ST3GAL3: variants seen among roughly 807,000 people sequenced by gnomAD.
ST3GAL3 encodes the protein ST3 beta-galactoside alpha-2,3-sialyltransferase 3, also known as CMP-N-acetylneuraminate-beta-1,4-galactoside alpha-2,3-sialyltransferase.
ST3GAL3 carries 21 observed loss-of-function variants against 50.1 expected under a neutral mutation model. The ratio of observed to expected loss-of-function variants is 0.42; its 90% CI spans 0.30 to 0.60. ST3GAL3 has a LOEUF of 0.60. Among genes scored for constraint, ST3GAL3 ranks in the 20% least tolerant of loss-of-function variants. The pLI, the probability that ST3GAL3 is intolerant of heterozygous loss-of-function variation, is 0.19. For missense variants in ST3GAL3, 353 were observed against 489.4 expected (o/e 0.72, Z 2.63); for synonymous variants, 183 against 190.0 (o/e 0.96, Z 0.30).
rs752057235 is a variant in ST3GAL3 at position 43,899,715 on chromosome 1, C to T, written c.732C>T (p.Tyr244=). ...QDFKWLKYIV[Y]KERVSASDGF... ...TTAAGTGGTTGAAATACATCGTCTA[C>T]AAGGAGAGAGTGGTAAGCTCTCCTG... The change falls in exon 9 of 12, where the codon TAC becomes TAT. Residue 244 remains tyrosine, a synonymous_variant. Coordinates refer to ENST00000347631, the MANE Select transcript of ST3GAL3 (RefSeq NM_006279.5). This position sits in a 1 kb window ranked among gnomAD's most constrained non-coding sequence, Gnocchi z 5.4. 3 of 1,614,000 alleles carry T rather than the reference C, an allele frequency of 1.9e-6. No homozygotes were observed. The South Asian group carries it at 3.3e-5, about 18-fold the overall frequency.
intron 3 of ST3GAL3, among the ~76,000 whole-genome samples, chr1:43,805,486 C>T (rs2059765546): frequency 6.6e-6 from 1 of 152,206 alleles, no homozygotes; most frequent in Non-Finnish European, 1.5e-5. Context: ...CTGGAGAGCA[C>T]AGATAAGGTG....
chr1:43,917,617 T>TATATAA (rs1365248994), intron 9 of ST3GAL3, among the ~76,000 whole-genome samples: 7 of 54,582 alleles, frequency 1.3e-4, no homozygotes, highest in Middle Eastern at 7.7e-3. Context: ...ATATTATATA[T>TATATAA]TATATTATAT....
At chr1:43,725,738 CCAGTCTTAAGTGATCCTCCCACCT>C (rs1156959234) in intron 1 of ST3GAL3, among the ~76,000 whole-genome samples, 1 of 152,150 alleles carries the variant, frequency 6.6e-6, no homozygotes, top group Non-Finnish European at 1.5e-5. Flanking sequence ...CCTCCACTTC[CCAGTCTTAAGTGATCCTCCCACCT>C]CAGCCTCCTG....
chr1:43,903,873 C>A (rs2078703101), intron 9 of ST3GAL3, among the ~76,000 whole-genome samples: 1 of 152,130 alleles, frequency 6.6e-6, no homozygotes, highest in African/African-American at 2.4e-5. Flanking sequence ...GATTTAGTGT[C>A]ATTGATACAG....
At chr1:43,850,737 AG>A in intron 5 of ST3GAL3, 1 of 761,284 alleles carries the variant, frequency 1.3e-6, no homozygotes, top group Non-Finnish European at 2.4e-6. Flanking sequence ...TGCCTCAGAC[AG>A]AGCTCTGCAG....
chr1:43,759,319 C>T (rs1422339949), intron 2 of ST3GAL3, among the ~76,000 whole-genome samples: 11 of 152,108 alleles, frequency 7.2e-5, no homozygotes, highest in Non-Finnish European at 1.3e-4. Context: ...TGGCATGTGC[C>T]TGTAATCCCA....
intron 3 of ST3GAL3, chr1:43,801,603 C>T (rs1573116911): frequency 7.8e-6 from 2 of 255,696 alleles, no homozygotes; most frequent in South Asian, 4.6e-5. Context: ...TTGGAGTTGT[C>T]TACATAGGGC....
chr1:43,930,024 C>G (rs1320188904), intron 11 of ST3GAL3, 108 bp from the exon 12 acceptor site: 3 of 918,776 alleles, frequency 3.3e-6, no homozygotes. Context: ...TTCAGGTTTC[C>G]ACAGTCACGG....
chr1:43,813,909 A>ACACACGCGCGCGCG (rs1558418201), intron 3 of ST3GAL3, among the ~76,000 whole-genome samples: 1 of 99,500 alleles, frequency 1.0e-5, no homozygotes, highest in Non-Finnish European at 1.9e-5. Context: ...ACACGCACAC[A>ACACACGCGCGCGCG]CACACACACA....
At position 43,920,932 on chromosome 1, in the gene ST3GAL3, CG is replaced by C. The variant is rs797046013; in HGVS notation, c.1038+8del. 1.5e-5 allele frequency: 24 copies of C among 1,606,394 alleles called. No individual in the cohort carries two copies. Among genetic ancestry groups the C allele is most frequent in the Non-Finnish European group, 1.8e-5 (21 of 1,176,244 alleles). ...TCGCATGGCAGCCATCAAAGAGGTT[CG>C]GGGCTGGGTATGGGGGCAATCCCTG... On this transcript the variant is annotated splice_donor_5th_base_variant and intron_variant, in intron 11 of 11. Coordinates refer to ENST00000347631, the MANE Select transcript of ST3GAL3 (RefSeq NM_006279.5).
At chr1:43,846,111 T>G (rs1281796182) in intron 5 of ST3GAL3, among the ~76,000 whole-genome samples, 1 of 152,216 alleles carries the variant, frequency 6.6e-6, no homozygotes, top group Admixed American at 6.5e-5. Context: ...TACTTCTGTT[T>G]TAGGGTATTC....
intron 2 of ST3GAL3, among the ~76,000 whole-genome samples, chr1:43,751,752 A>G (rs1686187177): frequency 6.6e-6 from 1 of 152,150 alleles, no homozygotes; most frequent in Admixed American, 6.5e-5. Context: ...AAAGATGAAT[A>G]TAGGCCTGTC....
intron 1 of ST3GAL3, among the ~76,000 whole-genome samples, chr1:43,732,523 T>G (rs1437217882): frequency 1.3e-5 from 2 of 152,226 alleles, no homozygotes; most frequent in African/African-American, 4.8e-5. Flanking sequence ...TTCTAGTCCC[T>G]GGCTGCTTCA....
At chr1:43,851,105 G>T (rs984357801) in intron 5 of ST3GAL3, 11 of 970,584 alleles carry the variant, frequency 1.1e-5, no homozygotes, top group Non-Finnish European at 1.8e-5. Context: ...CTGCAGCGGG[G>T]CATAGTCCAG....
chr1:43,905,257 C>T (rs1387097272), intron 9 of ST3GAL3, among the ~76,000 whole-genome samples: 2 of 131,626 alleles, frequency 1.5e-5, no homozygotes, highest in Non-Finnish European at 3.2e-5. Flanking sequence ...TCCTCCTGTT[C>T]CTCTTCCTGC....
intron 2 of ST3GAL3, among the ~76,000 whole-genome samples, chr1:43,766,641 G>T (rs1281767353): frequency 1.3e-5 from 2 of 152,150 alleles, no homozygotes; most frequent in Non-Finnish European, 2.9e-5. Flanking sequence ...GAGCAGGGCA[G>T]AGTCGATGAC....
intron 1 of ST3GAL3, among the ~76,000 whole-genome samples, chr1:43,733,515 C>A (rs769163593): frequency 6.6e-6 from 1 of 152,194 alleles, no homozygotes; most frequent in African/African-American, 2.4e-5. Context: ...ATATGTATCT[C>A]TTTCTCTATT....
At chr1:43,869,996 TC>T (rs1215767631) in intron 5 of ST3GAL3, among the ~76,000 whole-genome samples, 1 of 152,120 alleles carries the variant, frequency 6.6e-6, no homozygotes, top group Non-Finnish European at 1.5e-5. Flanking sequence ...CTTGTTATGG[TC>T]CGCATGTGGT....
chr1:43,896,378 CA>C (rs1396089409), intron 6 of ST3GAL3, among the ~76,000 whole-genome samples: 4 of 152,084 alleles, frequency 2.6e-5, no homozygotes, highest in Admixed American at 2.0e-4. Flanking sequence ...TTCAAGCATA[CA>C]AAAAATACTA....
Sources: gnomAD v4.1 joint callset for allele counts (sites outside exome capture counted in the v4.1 genomes callset) on GRCh38, gnomAD v4.1.1 for gene constraint, Gnocchi (gnomAD v3.1) non-coding constraint, MANE v1.5 for transcripts, NCBI Gene and HGNC (gene_info 2026-07-23, HGNC 2026-07-21) for gene names.